Variants in DDAH2 observed in about 807,000 individuals in gnomAD.
DDAH2 encodes the protein putative hydrolase DDAH2.
Under a neutral mutation model 24.8 loss-of-function variants are expected in DDAH2, and 8 were observed. The observed-to-expected ratio is 0.32, with a 90% CI of 0.19 to 0.58. The LOEUF (loss-of-function observed/expected upper bound fraction) is 0.58. DDAH2 is among the 20% of genes least tolerant of loss of function. The pLI is 0.87. For synonymous variants in DDAH2, 151 were observed against 166.1 expected (o/e 0.91, Z 0.70); for missense variants, 281 against 379.0 (o/e 0.74, Z 2.15).
Position 31,728,589 on chromosome 6 carries a change from C to T in DDAH2, c.397+57G>A. 1 of 1,611,260 alleles carries T rather than the reference C, an allele frequency of 6.2e-7. No homozygotes were observed. Among genetic ancestry groups the T allele is most frequent in the South Asian group, 1.1e-5 (1 of 90,988 alleles). Reference sequence around the variant, plus strand: ...AGTTAGAAACAAGGCTCCAGACGGCCGAGTCTCCCAAACTCTACTTCCCTG... The same window carrying T: ...AGTTAGAAACAAGGCTCCAGACGGCTGAGTCTCCCAAACTCTACTTCCCTG... On this transcript the variant is annotated intron_variant, in intron 2 of 5. Coordinates refer to ENST00000375789, the MANE Select transcript of DDAH2 (RefSeq NM_001303007.2). This position sits in a 1 kb window ranked among gnomAD's most constrained non-coding sequence, Gnocchi z 9.8.
Position 31,727,497 on chromosome 6 carries a change from CTT to C in DDAH2, c.741+44_741+45del. 2 of 1,612,790 alleles carry C rather than the reference CTT, an allele frequency of 1.2e-6. No homozygotes were observed. Among genetic ancestry groups the C allele is most frequent in the Non-Finnish European group, 1.7e-6 (2 of 1,179,846 alleles). On this transcript the variant is annotated intron_variant, in intron 5 of 5. Transcript: ENST00000375789. This position sits in a 1 kb window ranked among gnomAD's most constrained non-coding sequence, Gnocchi z 6.0. ...CCTCCCACTAGGAAAGCCTGAAACT[CTT>C]TTCTCTGATGGTGCTTGGTGTTGGA...
chr6:31,727,165 A>G lies in DDAH2; in HGVS notation c.*72T>C, dbSNP rs1562182442. ...AACTACTGCCTATTCAGCATTCTCT[A>G]TCTAACCCTCCTTCCCCTTCTACTT... On this transcript the variant is annotated 3_prime_UTR_variant, in exon 6 of 6. Transcript: ENST00000375789. The surrounding 1 kb of genome is among the most constrained non-coding windows in gnomAD (Gnocchi z 6.0). The G allele has an allele frequency of 1.8e-6, 2 of 1,140,890 alleles. No individual in the cohort carries two copies. Among genetic ancestry groups the G allele is most frequent in the Non-Finnish European group, 1.3e-6 (1 of 763,192 alleles). The allele number at this position is 1,140,890 out of a possible 1,614,324, so 70.7% of individuals were successfully genotyped here.
In DDAH2 at chr6:31,727,596, C is replaced by T; in HGVS notation, c.688G>A (p.Val230Met). 1 of 1,613,090 alleles carries T rather than the reference C, an allele frequency of 6.2e-7. No homozygotes were observed. Among genetic ancestry groups the T allele is most frequent in the Non-Finnish European group, 8.5e-7 (1 of 1,180,026 alleles). The change falls in exon 5 of 6, where the codon GTG (valine) becomes ATG (methionine). Residue 230 changes from valine (V) to methionine (M), a missense_variant. Val to Met is a conservative substitution (Grantham distance 21). Coordinates refer to ENST00000375789, the MANE Select transcript of DDAH2 (RefSeq NM_001303007.2). The surrounding 1 kb of genome is among the most constrained non-coding windows in gnomAD (Gnocchi z 6.0). The stretch of plus-strand genomic sequence containing the variant: ...CCACGGTGCAGGAGGAAAGGGGGCA[C>T]ACCAGGCAACCCAGGACGAAGAAAG... The part of the protein sequence containing the change: ...CLFLRPGLPG[V>M]PPFLLHRGGG...
Position 31,728,521 on chromosome 6 carries a change from C to G in DDAH2, c.401G>C (p.Arg134Pro). Residue 134 changes from arginine to proline, a missense_variant, in exon 3 of 6, where the codon CGG becomes CCG. Physicochemically the swap from Arg to Pro is moderately radical, Grantham distance 103. Transcript: ENST00000375789. The surrounding 1 kb of genome is among the most constrained non-coding windows in gnomAD (Gnocchi z 9.8). ...TTTGGAGAGGCCTACGAAAAACTCCCGGCCTGAGTCCGGGAGGCCGCGGAG... is the reference window on the plus strand; with the variant it reads ...TTTGGAGAGGCCTACGAAAAACTCCGGGCCTGAGTCCGGGAGGCCGCGGAG... ...LDGTDVLFTG[R>P]EFFVGLSKWT... 6.2e-7 allele frequency: 1 copy of G among 1,612,810 alleles called. No individual in the cohort carries two copies. Among genetic ancestry groups the G allele is most frequent in the Non-Finnish European group, 8.5e-7 (1 of 1,179,958 alleles).
chr6:31,727,520 T>A lies in DDAH2; in HGVS notation c.741+23A>T. ...CTCTTTTCTCTGATGGTGCTTGGTGTTGGAGTTCCTGCCCTCTCTCACCTC... is the reference window on the plus strand; with the variant it reads ...CTCTTTTCTCTGATGGTGCTTGGTGATGGAGTTCCTGCCCTCTCTCACCTC... On this transcript the variant is annotated intron_variant, in intron 5 of 5. Coordinates refer to ENST00000375789, the MANE Select transcript of DDAH2 (RefSeq NM_001303007.2). The surrounding 1 kb of genome is among the most constrained non-coding windows in gnomAD (Gnocchi z 6.0). The A allele has an allele frequency of 6.2e-7, 1 of 1,613,048 alleles. No individual in the cohort carries two copies. The highest frequency in any genetic ancestry group is 8.5e-7 in the Non-Finnish European group (1 of 1,180,004).
At chr6:31,729,350 C>T (rs1479230178), upstream of DDAH2, 2 of 603,930 alleles carry the variant, frequency 3.3e-6, no homozygotes, top group Non-Finnish European at 5.9e-6. This position sits in a 1 kb window ranked among gnomAD's most constrained non-coding sequence, Gnocchi z 6.7. Context: ...CTCCGCCCCA[C>T]CCACTCCAGA....
rs1004762315 is a variant in DDAH2 at position 31,727,969 on chromosome 6, G to A, written c.591+204C>T. ...TCACAGTTTAGGTGCCACCTTTGGG[G>A]TTTCCTGAAACTCCGGAAGAGCAAA... On this transcript the variant is annotated intron_variant, in intron 4 of 5. Transcript: ENST00000375789. This position sits in a 1 kb window ranked among gnomAD's most constrained non-coding sequence, Gnocchi z 6.0. Among the ~76,000 whole-genome samples, 5 of 152,178 alleles carry A rather than the reference G, an allele frequency of 3.3e-5. No individual in the cohort carries two copies. Among genetic ancestry groups the A allele is most frequent in the African/African-American group, 1.2e-4 (5 of 41,426 alleles).
chr6:31,727,243 G>A lies in DDAH2; in HGVS notation c.852C>T (p.His284=). Residue 284 remains histidine, a synonymous_variant, in exon 6 of 6, where the codon CAC becomes CAT. Transcript: ENST00000375789. The surrounding 1 kb of genome is among the most constrained non-coding windows in gnomAD (Gnocchi z 6.0). The part of the protein sequence containing the change: ...SLCLVLSTRP[H]S ...GTACCCCAAGGCCAGGCCCTCAGCT[G>A]TGGGGGCGTGTGCTGAGCACCAAGC... 2 of 1,611,690 alleles carry A rather than the reference G, an allele frequency of 1.2e-6. No homozygotes were observed. Among genetic ancestry groups the A allele is most frequent in the Non-Finnish European group, 1.7e-6 (2 of 1,178,748 alleles).
At chr6:31,729,545 A>G, upstream of DDAH2, 1 of 238,908 alleles carries the variant, frequency 4.2e-6, no homozygotes, top group South Asian at 8.1e-5. The surrounding 1 kb of genome is among the most constrained non-coding windows in gnomAD (Gnocchi z 6.7). Flanking sequence ...CTCCCCAAAA[A>G]TGCAGCAGCC....
In DDAH2 at chr6:31,729,039, A is replaced by C; in HGVS notation, c.123T>G (p.Ala41=). The part of the protein sequence containing the change: ...AGLPALDLAK[A]QREHGVLGGK... ...CTCCCAGCACCCCGTGCTCCCTTTG[A>C]GCTTTGGCCAGATCCAGAGCGGGAA... The change falls in exon 1 of 6, where the codon GCT becomes GCG. Residue 41 remains alanine (A), a synonymous_variant. Transcript: ENST00000375789. This position sits in a 1 kb window ranked among gnomAD's most constrained non-coding sequence, Gnocchi z 6.7. 1.2e-6 allele frequency: 2 copies of C among 1,612,712 alleles called. No homozygotes were observed. The highest frequency in any genetic ancestry group is 3.3e-5 in the Admixed American group (2 of 59,998).
chr6:31,727,249 G>A lies in DDAH2; in HGVS notation c.846C>T (p.Arg282=), dbSNP rs1274627407. 16 of 1,612,620 alleles carry A rather than the reference G, an allele frequency of 9.9e-6. No homozygotes were observed. The highest frequency in any genetic ancestry group is 1.3e-5 in the African/African-American group (1 of 74,936). The change falls in exon 6 of 6, where the codon CGC becomes CGT. Residue 282 remains arginine (R), a synonymous_variant. Coordinates refer to ENST00000375789, the MANE Select transcript of DDAH2 (RefSeq NM_001303007.2). The surrounding 1 kb of genome is among the most constrained non-coding windows in gnomAD (Gnocchi z 6.0). ...CAAGGCCAGGCCCTCAGCTGTGGGG[G>A]CGTGTGCTGAGCACCAAGCAGAGGG... is the stretch of plus-strand genomic sequence containing the variant. ...LSSLCLVLST[R]PHS
Position 31,728,915 on chromosome 6 carries a change from C to T in DDAH2, c.247G>A (p.Gly83Arg). 3.1e-6 allele frequency: 5 copies of T among 1,613,110 alleles called. No individual in the cohort carries two copies. Among genetic ancestry groups the T allele is most frequent in the Non-Finnish European group, 4.2e-6 (5 of 1,180,024 alleles). Residue 83 changes from glycine (G) to arginine (R), a missense_variant, in exon 1 of 6, where the codon GGG (glycine) becomes AGG (arginine). Physicochemically the swap from Gly to Arg is moderately radical, Grantham distance 125 (BLOSUM62 -2). Transcript: ENST00000375789. The surrounding 1 kb of genome is among the most constrained non-coding windows in gnomAD (Gnocchi z 9.8). ...GGCCGCGTGATTAGGGCCGTGTCCC[C>T]TTGGATCACGGCCGTGTCGCCAAGC... The part of the protein sequence containing the change: ...PLLGDTAVIQ[G>R]DTALITRPWS...
At position 31,728,120 on chromosome 6, in the gene DDAH2, G is replaced by A. The variant is rs1807522432; in HGVS notation, c.591+53C>T. ...AATTTCCTAAGCCTCCCAGCTCCCGGCCTCCCGGGCCCAGAACTGCGCCCA... is the reference window on the plus strand; with the variant it reads ...AATTTCCTAAGCCTCCCAGCTCCCGACCTCCCGGGCCCAGAACTGCGCCCA... On this transcript the variant is annotated intron_variant, in intron 4 of 5. Transcript: ENST00000375789. The surrounding 1 kb of genome is among the most constrained non-coding windows in gnomAD (Gnocchi z 9.8). 14 of 1,596,800 alleles carry A rather than the reference G, an allele frequency of 8.8e-6. No homozygotes were observed. The highest frequency in any genetic ancestry group is 1.2e-5 in the Non-Finnish European group (14 of 1,175,326).
In DDAH2 at chr6:31,728,834, C is replaced by T. The variant is rs1446715464; in HGVS notation, c.297+31G>A. ...CCGACATCCAGTTCCTTCTGCCTTT[C>T]CCCATACCACACCCGCGCCACGGCG... On this transcript the variant is annotated intron_variant, in intron 1 of 5. Transcript: ENST00000375789. The surrounding 1 kb of genome is among the most constrained non-coding windows in gnomAD (Gnocchi z 9.8). 1 of 1,611,078 alleles carries T rather than the reference C, an allele frequency of 6.2e-7. No homozygotes were observed. Among genetic ancestry groups the T allele is most frequent in the African/African-American group, 1.3e-5 (1 of 74,978 alleles).
chr6:31,727,579 C>A lies in DDAH2; in HGVS notation c.705G>T (p.Leu235=). ...TGGGCAGATCCCCACCTCCACGGTG[C>A]AGGAGGAAAGGGGGCACACCAGGCA... The part of the protein sequence containing the change: ...PGLPGVPPFL[L]HRGGGDLPNS... The change falls in exon 5 of 6, where the codon CTG becomes CTT. Residue 235 remains leucine, a synonymous_variant. Transcript: ENST00000375789. The surrounding 1 kb of genome is among the most constrained non-coding windows in gnomAD (Gnocchi z 6.0). 1 of 1,613,094 alleles carries A rather than the reference C, an allele frequency of 6.2e-7. No individual in the cohort carries two copies. The highest frequency in any genetic ancestry group is 8.5e-7 in the Non-Finnish European group (1 of 1,180,026).
Position 31,727,763 on chromosome 6 carries a change from A to G in DDAH2, c.592-71T>C. On this transcript the variant is annotated intron_variant, in intron 4 of 5. Coordinates refer to ENST00000375789, the MANE Select transcript of DDAH2 (RefSeq NM_001303007.2). This position sits in a 1 kb window ranked among gnomAD's most constrained non-coding sequence, Gnocchi z 6.0. ...TGTGTCTGCCTGCTCAACCACCACT[A>G]AGGGCTGGGGACGGACTGACATTTG... The G allele has an allele frequency of 6.7e-7, 1 of 1,490,532 alleles. No homozygotes were observed. The highest frequency in any genetic ancestry group is 9.0e-7 in the Non-Finnish European group (1 of 1,107,256). 92.3% of individuals were successfully genotyped at this position (1,490,532 alleles called of 1,614,324 possible).
In DDAH2 at chr6:31,728,258, G is replaced by A. The variant is rs142025091; in HGVS notation, c.506C>T (p.Pro169Leu). The change falls in exon 4 of 6, where the codon CCC becomes CTC. Residue 169 changes from proline to leucine, a missense_variant. Transcript: ENST00000375789. The surrounding 1 kb of genome is among the most constrained non-coding windows in gnomAD (Gnocchi z 9.8). ...FAVSTVPVSG[P>L]SHLRGLCGMG... ...GCCGCAGAGACCGCGCAGGTGGGAGGGACCCGAGACTGGCACAGTGGAGAC... is the reference window on the plus strand; with the variant it reads ...GCCGCAGAGACCGCGCAGGTGGGAGAGACCCGAGACTGGCACAGTGGAGAC... 122 of 1,612,378 alleles carry A rather than the reference G, an allele frequency of 7.6e-5. No homozygotes were observed. The highest frequency in any genetic ancestry group is 1.7e-4 in the Middle Eastern group (1 of 6,056).
chr6:31,730,040 G>T (rs1807752919), upstream of DDAH2: 1 of 150,822 alleles, frequency 6.6e-6, no homozygotes, highest in African/African-American at 2.5e-5. The surrounding 1 kb of genome is among the most constrained non-coding windows in gnomAD (Gnocchi z 5.1). Context: ...GGCCCCCCAC[G>T]CAAGACTCAC....
chr6:31,729,066 G>A lies in DDAH2; in HGVS notation c.96C>T (p.Gly32=). 1 of 1,613,006 alleles carries A rather than the reference G, an allele frequency of 6.2e-7. No individual in the cohort carries two copies. The highest frequency in any genetic ancestry group is 8.5e-7 in the Non-Finnish European group (1 of 1,180,018). Residue 32 remains glycine, a synonymous_variant, in exon 1 of 6, where the codon GGC becomes GGT. Transcript: ENST00000375789. The surrounding 1 kb of genome is among the most constrained non-coding windows in gnomAD (Gnocchi z 6.7). ...SLASGEGAGA[G]LPALDLAKAQ... ...CTTTGGCCAGATCCAGAGCGGGAAG[G>A]CCAGCCCCCGCACCTTCCCCCGACG...
Sources: gnomAD v4.1 joint callset for allele counts (sites outside exome capture counted in the v4.1 genomes callset) on GRCh38, gnomAD v4.1.1 for gene constraint, Gnocchi (gnomAD v3.1) non-coding constraint, MANE v1.5 for transcripts, NCBI Gene and HGNC (gene_info 2026-07-23, HGNC 2026-07-21) for gene names.